FAM162A: variants seen among roughly 807,000 people sequenced by gnomAD.
FAM162A encodes the protein protein FAM162A.
A neutral mutation model predicts 21.8 loss-of-function variants in FAM162A; 23 were observed. The ratio of observed to expected loss-of-function variants is 1.05; its 90% CI spans 0.76 to 1.49. The LOEUF (loss-of-function observed/expected upper bound fraction) is 1.49. FAM162A is among the 40% of genes most tolerant of loss of function. FAM162A has a pLI of 0.00. For missense variants in FAM162A, 165 were observed against 186.4 expected (o/e 0.89, Z 0.67); for synonymous variants, 53 against 61.3 (o/e 0.86, Z 0.64).
chr3:122,395,421 G>A (rs561496500), intron 1 of FAM162A, among the ~76,000 whole-genome samples: 1 of 152,176 alleles, frequency 6.6e-6, no homozygotes, highest in African/African-American at 2.4e-5. Context: ...CAAGATAAAT[G>A]GGCAATAAAT....
intron 1 of FAM162A, among the ~76,000 whole-genome samples, chr3:122,397,488 A>G (rs1234322532): frequency 2.0e-5 from 3 of 152,200 alleles, no homozygotes; most frequent in Non-Finnish European, 4.4e-5. Flanking sequence ...CTAGAGCATC[A>G]TATAGTGGCA....
At chr3:122,403,868 C>G (rs2075665121) in intron 2 of FAM162A, among the ~76,000 whole-genome samples, 1 of 152,170 alleles carries the variant, frequency 6.6e-6, no homozygotes, top group Non-Finnish European at 1.5e-5. Context: ...ACCGTGTCCC[C>G]CTTTTCTGTC....
rs2075695045 is a variant in FAM162A at position 122,409,725 on chromosome 3, C to T, written c.373-14C>T. ...CAGCATACAAATCACCTGTTCAAAT[C>T]TGTTTTGCTTTAGGCTGCCCAAAGA... On this transcript the variant is annotated splice_polypyrimidine_tract_variant and intron_variant, in intron 4 of 4. Coordinates refer to ENST00000477892, the MANE Select transcript of FAM162A (RefSeq NM_014367.4). 6.2e-7 allele frequency: 1 copy of T among 1,612,858 alleles called. No homozygotes were observed. The highest frequency in any genetic ancestry group is 1.7e-5 in the Admixed American group (1 of 60,000).
chr3:122,404,683 G>C (rs2075669179), intron 3 of FAM162A, among the ~76,000 whole-genome samples: 1 of 152,160 alleles, frequency 6.6e-6, no homozygotes, highest in Non-Finnish European at 1.5e-5. Flanking sequence ...TATAAATTAA[G>C]TACCATTGAC....
At position 122,410,104 on chromosome 3, in the gene FAM162A, C is replaced by T; in HGVS notation, c.*273C>T. Reference sequence around the variant, plus strand: ...CTTGAATACCAACTCTTCAGAGAAGCAGGTACCATATCTTACTTCTCTTCC... The same window carrying T: ...CTTGAATACCAACTCTTCAGAGAAGTAGGTACCATATCTTACTTCTCTTCC... On this transcript the variant is annotated 3_prime_UTR_variant, in exon 5 of 5. Coordinates refer to ENST00000477892, the MANE Select transcript of FAM162A (RefSeq NM_014367.4). 2.4e-6 allele frequency: 1 copy of T among 419,172 alleles called. No homozygotes were observed. Among genetic ancestry groups the T allele is most frequent in the Non-Finnish European group, 4.5e-6 (1 of 223,500 alleles). 26.0% of individuals were successfully genotyped at this position (419,172 alleles called of 1,614,324 possible).
chr3:122,405,977 G>A (rs1363733657), intron 3 of FAM162A, among the ~76,000 whole-genome samples: 1 of 152,162 alleles, frequency 6.6e-6, no homozygotes, highest in Non-Finnish European at 1.5e-5. Context: ...TCCACATGCT[G>A]CCTCACAGGT....
chr3:122,397,298 T>C (rs2075633016), intron 1 of FAM162A, among the ~76,000 whole-genome samples: 1 of 152,112 alleles, frequency 6.6e-6, no homozygotes, highest in South Asian at 2.1e-4. Context: ...TTACTCCTAC[T>C]CCCTCTCTCA....
intron 4 of FAM162A, among the ~76,000 whole-genome samples, chr3:122,408,307 T>C (rs2075686040): frequency 6.6e-6 from 1 of 152,212 alleles, no homozygotes; most frequent in South Asian, 2.1e-4. Context: ...TATTAAGCCA[T>C]AGTTATTTTT....
chr3:122,402,480 TATG>T (rs886839623), intron 1 of FAM162A, among the ~76,000 whole-genome samples: 1 of 152,158 alleles, frequency 6.6e-6, no homozygotes, highest in Non-Finnish European at 1.5e-5. Context: ...GAGCCATTGT[TATG>T]ATAAGACACA....
chr3:122,396,196 G>A (rs2075626490), intron 1 of FAM162A, among the ~76,000 whole-genome samples: 1 of 152,018 alleles, frequency 6.6e-6, no homozygotes, highest in African/African-American at 2.4e-5. Flanking sequence ...AAATTTTTTT[G>A]TACTTCAAAG....
In FAM162A at chr3:122,384,206, C is replaced by T; in HGVS notation, c.-60C>T. 1 of 1,547,518 alleles carries T rather than the reference C, an allele frequency of 6.5e-7. No individual in the cohort carries two copies. Among genetic ancestry groups the T allele is most frequent in the Non-Finnish European group, 8.7e-7 (1 of 1,144,688 alleles). On this transcript the variant is annotated 5_prime_UTR_variant, in exon 1 of 5. Transcript: ENST00000477892. The stretch of plus-strand genomic sequence containing the variant: ...CACTCCAACGCTGGGTGACATTGAG[C>T]TCACCAGCGCCACCGTCCCCGGCGA...
At chr3:122,393,619 T>C (rs1410604002) in intron 1 of FAM162A, among the ~76,000 whole-genome samples, 1 of 152,196 alleles carries the variant, frequency 6.6e-6, no homozygotes, top group Non-Finnish European at 1.5e-5. Context: ...GCTTATCTTT[T>C]TTCACCTGAC....
intron 1 of FAM162A, 40 bp from the exon 2 acceptor site, chr3:122,402,716 TTTTC>T (rs3838601): frequency 1.2e-4 from 176 of 1,465,854 alleles, no homozygotes; most frequent in Admixed American, 3.5e-4. Context: ...AAACATCACA[TTTTC>T]TTTCTTTCTT....
Position 122,412,251 on chromosome 3 carries a change from G to T in FAM162A, c.*2420G>T, listed in dbSNP as rs1046326288. 6.6e-6 allele frequency: 1 copy of T among 152,072 alleles called. No homozygotes were observed. Among genetic ancestry groups the T allele is most frequent in the Non-Finnish European group, 1.5e-5 (1 of 68,024 alleles). 9.4% of individuals were successfully genotyped at this position (152,072 alleles called of 1,614,324 possible). A position where few individuals can be genotyped will look rare whatever the true frequency, so the allele number is the denominator to read the frequency against. ...TTTTTTGCGTGTTTATCATGTCTCC[G>T]TAGGTAAAGTGGGCAGAAATCTTTT... On this transcript the variant is annotated 3_prime_UTR_variant, in exon 5 of 5. Coordinates refer to ENST00000477892, the MANE Select transcript of FAM162A (RefSeq NM_014367.4).
At chr3:122,386,775 G>A (rs2075576328) in intron 1 of FAM162A, among the ~76,000 whole-genome samples, 1 of 152,138 alleles carries the variant, frequency 6.6e-6, no homozygotes, top group Non-Finnish European at 1.5e-5. Flanking sequence ...GCTCGAATTT[G>A]TTGTTTTGTA....
chr3:122,393,350 T>G (rs1229570866), intron 1 of FAM162A, among the ~76,000 whole-genome samples: 1 of 131,268 alleles, frequency 7.6e-6, no homozygotes, highest in Non-Finnish European at 1.8e-5. Context: ...GAGGAGCATT[T>G]ATCCAAAAAA....
In FAM162A at chr3:122,384,250, G is replaced by C. The variant is rs1000544319; in HGVS notation, c.-16G>C. 2 of 1,569,106 alleles carry C rather than the reference G, an allele frequency of 1.3e-6. No individual in the cohort carries two copies. The highest frequency in any genetic ancestry group is 1.2e-5 in the South Asian group (1 of 85,194). On this transcript the variant is annotated 5_prime_UTR_variant, in exon 1 of 5. Transcript: ENST00000477892. ...CCGGCGAAGTTCTGCGCTGGTCGGCGGAGTAGCAAGTGGCCATGGGGAGCC... is the reference window on the plus strand; with the variant it reads ...CCGGCGAAGTTCTGCGCTGGTCGGCCGAGTAGCAAGTGGCCATGGGGAGCC...
intron 1 of FAM162A, among the ~76,000 whole-genome samples, chr3:122,391,966 T>A (rs951364622): frequency 7.2e-5 from 11 of 152,244 alleles, no homozygotes; most frequent in African/African-American, 9.6e-5. Context: ...TTCTCCCCAG[T>A]AGAATGCAAG....
chr3:122,384,902 C>T (rs1223169932), intron 1 of FAM162A, among the ~76,000 whole-genome samples: 1 of 152,104 alleles, frequency 6.6e-6, no homozygotes, highest in African/African-American at 2.4e-5. Flanking sequence ...ATTGAAGGAT[C>T]TGCAGTTTGT....
Sources: gnomAD v4.1 joint callset for allele counts (sites outside exome capture counted in the v4.1 genomes callset) on GRCh38, gnomAD v4.1.1 for gene constraint, MANE v1.5 for transcripts, NCBI Gene and HGNC (gene_info 2026-07-23, HGNC 2026-07-21) for gene names.